OCA2: variants seen among roughly 807,000 people sequenced by gnomAD.
OCA2 encodes the protein P protein.
A neutral mutation model predicts 100.2 loss-of-function variants in OCA2; 77 were observed. That is an observed-to-expected ratio of 0.77 (90% CI 0.64 to 0.93). OCA2 has a LOEUF of 0.93. OCA2 is among the 40% of genes least tolerant of loss of function. OCA2 has a pLI of 0.00. For missense variants in OCA2, 1,062 were observed against 1,089.1 expected (o/e 0.98, Z 0.35); for synonymous variants, 432 against 439.2 (o/e 0.98, Z 0.21).
At chr15:27,797,362 G>A (rs932128381) in intron 23 of OCA2, among the ~76,000 whole-genome samples, 19 of 152,100 alleles carry the variant, frequency 1.2e-4, no homozygotes, top group African/African-American at 4.3e-4. Context: ...AGCACAAACC[G>A]TACCCTCCAG....
chr15:27,806,283 G>A (rs139361054), intron 23 of OCA2, among the ~76,000 whole-genome samples: 21 of 152,322 alleles, frequency 1.4e-4, no homozygotes, highest in African/African-American at 5.1e-4. Context: ...GAAAATAGTT[G>A]TTTTTCATTG....
intron 2 of OCA2, among the ~76,000 whole-genome samples, chr15:28,034,344 A>G (rs989948012): frequency 2.6e-5 from 4 of 152,200 alleles, no homozygotes; most frequent in African/African-American, 9.7e-5. Context: ...TGTAAATGGA[A>G]AACATAAAGA....
intron 2 of OCA2, among the ~76,000 whole-genome samples, chr15:28,077,918 A>G (rs1299392120): frequency 1.3e-5 from 2 of 152,172 alleles, no homozygotes; most frequent in East Asian, 3.8e-4. Context: ...CGTCTCTACT[A>G]AATATACAAC....
At chr15:28,027,078 T>G (rs2042772084) in intron 4 of OCA2, among the ~76,000 whole-genome samples, 1 of 152,188 alleles carries the variant, frequency 6.6e-6, no homozygotes, top group African/African-American at 2.4e-5. Context: ...AAATGATGCT[T>G]TCAAACATGT....
chr15:27,917,080 G>T (rs1301401632), intron 19 of OCA2, among the ~76,000 whole-genome samples: 1 of 152,106 alleles, frequency 6.6e-6, no homozygotes, highest in African/African-American at 2.4e-5. Flanking sequence ...GATCTGTGGG[G>T]CCCAGAGAGT....
At chr15:27,833,374 G>A (rs1218841064) in intron 23 of OCA2, among the ~76,000 whole-genome samples, 1 of 152,138 alleles carries the variant, frequency 6.6e-6, no homozygotes, top group African/African-American at 2.4e-5. Flanking sequence ...TGTTTATGTT[G>A]TCTGGAGGTT....
intron 23 of OCA2, among the ~76,000 whole-genome samples, chr15:27,761,157 T>C (rs940568103): frequency 6.6e-5 from 10 of 151,726 alleles, no homozygotes; most frequent in African/African-American, 1.9e-4. Flanking sequence ...GATGACATGA[T>C]AGCTTACATT....
chr15:28,026,751 G>A (rs926350865), intron 4 of OCA2, among the ~76,000 whole-genome samples: 3 of 152,148 alleles, frequency 2.0e-5, no homozygotes, highest in Non-Finnish European at 4.4e-5. Flanking sequence ...TTCGCACCCC[G>A]GGAGGTGCAC....
chr15:28,007,208 T>C (rs116098774), intron 9 of OCA2, among the ~76,000 whole-genome samples: 2,054 of 152,298 alleles, frequency 0.013, 43 homozygotes, highest in African/African-American at 0.047. Flanking sequence ...ATGGAAGACA[T>C]ATGGAGAAAA....
chr15:27,976,673 T>C (rs2040977275), intron 14 of OCA2, among the ~76,000 whole-genome samples: 1 of 152,206 alleles, frequency 6.6e-6, no homozygotes, highest in Non-Finnish European at 1.5e-5. Context: ...ATATTAAATC[T>C]ATGTTCACAA....
rs892273441 is a variant in OCA2, at chr15:27,990,460, A to G, written c.1116+116T>C. 3.9e-6 allele frequency: 4 copies of G among 1,030,544 alleles called. No individual in the cohort carries two copies. The Admixed American group carries it at 6.8e-5, about 17-fold the overall frequency. The allele number at this position is 1,030,544 out of a possible 1,614,324, so 63.8% of individuals were successfully genotyped here. A position where few individuals can be genotyped will look rare whatever the true frequency, so the allele number is the denominator to read the frequency against. ...CCTCTAGCATGGTTCTTGGGCAAAAACATGGACGTGGCATATAAAATAGTG... is the reference window on the plus strand; with the variant it reads ...CCTCTAGCATGGTTCTTGGGCAAAAGCATGGACGTGGCATATAAAATAGTG... On this transcript the variant is annotated intron_variant, in intron 10 of 23. Coordinates refer to ENST00000354638, the MANE Select transcript of OCA2 (RefSeq NM_000275.3).
In OCA2 at chr15:27,957,467, TAGCAC is replaced by T; in HGVS notation, c.1784+116_1784+120del. The stretch of plus-strand genomic sequence containing the variant: ...TAGATAAAATGTACTATAAGAGGCT[TAGCAC>T]AGTGTGCGTCACCTAAATATCACGT... On this transcript the variant is annotated intron_variant, in intron 16 of 23. Coordinates refer to ENST00000354638, the MANE Select transcript of OCA2 (RefSeq NM_000275.3). The surrounding 1 kb of genome is among the most constrained non-coding windows in gnomAD (Gnocchi z 4.3). The T allele has an allele frequency of 8.4e-7, 1 of 1,196,880 alleles. No homozygotes were observed. The highest frequency in any genetic ancestry group is 1.2e-6 in the Non-Finnish European group (1 of 814,116). 74.1% of individuals were successfully genotyped at this position (1,196,880 alleles called of 1,614,324 possible). A position where few individuals can be genotyped will look rare whatever the true frequency, so the allele number is the denominator to read the frequency against.
In OCA2 at chr15:28,014,913, T is replaced by C. The variant is rs1209400995; in HGVS notation, c.907A>G (p.Ser303Gly). 3.7e-6 allele frequency: 6 copies of C among 1,614,066 alleles called. No homozygotes were observed. In the African/African-American group the frequency reaches 6.7e-5, roughly 18 times the overall value. Residue 303 changes from serine to glycine, a missense_variant, in exon 9 of 24, where the codon AGC (serine) becomes GGC (glycine). Ser to Gly is a moderately conservative substitution (Grantham distance 56, BLOSUM62 0). Coordinates refer to ENST00000354638, the MANE Select transcript of OCA2 (RefSeq NM_000275.3). Reference sequence around the variant, plus strand: ...GTCTGCTGCAGGGAGGCCCGGATGCTGATGGACACCGTCTCTCTGCAGAAC... The same window carrying C: ...GTCTGCTGCAGGGAGGCCCGGATGCCGATGGACACCGTCTCTCTGCAGAAC... ...EVLTRETVSI[S>G]IRASLQQTQA...
intron 19 of OCA2, among the ~76,000 whole-genome samples, chr15:27,886,067 C>T (rs75783794): frequency 0.016 from 2,371 of 152,272 alleles, 56 homozygotes; most frequent in African/African-American, 0.05. Flanking sequence ...GGTGAACCAC[C>T]ACCAGCATGC....
intron 18 of OCA2, among the ~76,000 whole-genome samples, chr15:27,926,528 AG>A (rs1183049607): frequency 2.0e-5 from 3 of 152,158 alleles, no homozygotes; most frequent in African/African-American, 7.2e-5. Context: ...CCACACTCCC[AG>A]TAAACCATTC....
intron 21 of OCA2, among the ~76,000 whole-genome samples, chr15:27,852,041 C>T (rs1315855765): frequency 2.0e-5 from 3 of 152,204 alleles, no homozygotes; most frequent in Non-Finnish European, 4.4e-5. Context: ...AGCCTGCTAA[C>T]ATTCACAGCA....
rs1179796282 is a variant in OCA2, at chr15:27,931,893, T to C, written c.1952-5639A>G. ...ACTGTCTCACAATATCAGGAAACAC[T>C]CCTGTTCATCTGGTCCTCACTGAAT... On this transcript the variant is annotated intron_variant, in intron 18 of 23. Transcript: ENST00000354638. Among the ~76,000 whole-genome samples, 3 of 152,132 alleles carry C rather than the reference T, an allele frequency of 2.0e-5. No homozygotes were observed. The East Asian group carries it at 5.8e-4, about 29-fold the overall frequency.
At chr15:27,827,493 T>C (rs989494978) in intron 23 of OCA2, among the ~76,000 whole-genome samples, 4 of 152,012 alleles carry the variant, frequency 2.6e-5, no homozygotes, top group African/African-American at 7.2e-5. Context: ...CCAAATCCAA[T>C]GTGCAAGTCA....
At chr15:27,742,612 G>A in the OCA2 span, among the ~76,000 whole-genome samples, 1 of 152,242 alleles carries the variant, frequency 6.6e-6, no homozygotes, top group Non-Finnish European at 1.5e-5. Context: ...ACTGTCTGCA[G>A]AAGCAAGCTG....
Sources: allele counts gnomAD v4.1 joint callset (sites outside exome capture counted in the v4.1 genomes callset), GRCh38; gene constraint gnomAD v4.1.1; non-coding constraint Gnocchi (gnomAD v3.1); transcripts MANE v1.5; gene names NCBI Gene and HGNC (gene_info 2026-07-23, HGNC 2026-07-21).